Variants in ARB2A observed in about 807,000 individuals in gnomAD.
ARB2A encodes cotranscriptional regulator ARB2A.
At chr5:93,986,268 G>A in the ARB2A span, among the ~76,000 whole-genome samples, 3 of 149,604 alleles carry the variant, frequency 2.0e-5, no homozygotes, top group African/African-American at 5.0e-5. Flanking sequence ...CCCAGCAGCC[G>A]CCCCATCTGG....
At chr5:93,725,044 T>C in the ARB2A span, among the ~76,000 whole-genome samples, 1 of 152,026 alleles carries the variant, frequency 6.6e-6, no homozygotes, top group East Asian at 1.9e-4. Context: ...TAGGATAGCG[T>C]AAGAGTTCAT....
the ARB2A span, among the ~76,000 whole-genome samples, chr5:94,049,001 G>A: frequency 6.6e-6 from 1 of 152,086 alleles, no homozygotes; most frequent in East Asian, 1.9e-4. Flanking sequence ...TTCTTTATGT[G>A]ATAATTTAAC....
chr5:93,937,505 G>A, the ARB2A span, among the ~76,000 whole-genome samples: 9 of 151,782 alleles, frequency 5.9e-5, no homozygotes, highest in East Asian at 1.9e-4. Flanking sequence ...CCAGCTATTC[G>A]GGAGGCTGAG....
chr5:93,640,555 GGTGTGTGTGTGT>G, the ARB2A span, among the ~76,000 whole-genome samples: 1 of 147,500 alleles, frequency 6.8e-6, no homozygotes, highest in Non-Finnish European at 1.5e-5. Context: ...TTCCTATAGG[GGTGTGTGTGTGT>G]GTGTGTATGT....
chr5:93,689,716 G>T, the ARB2A span, among the ~76,000 whole-genome samples: 1 of 151,516 alleles, frequency 6.6e-6, no homozygotes, highest in African/African-American at 2.4e-5. Context: ...TTTTGAGACG[G>T]AGTTTCGCTC....
chr5:94,055,505 TCTAA>T, the ARB2A span, among the ~76,000 whole-genome samples: 1 of 152,094 alleles, frequency 6.6e-6, no homozygotes, highest in Non-Finnish European at 1.5e-5. Flanking sequence ...TTAGCACTCT[TCTAA>T]CTCTTATATC....
the ARB2A span, among the ~76,000 whole-genome samples, chr5:93,927,692 C>T: frequency 6.6e-6 from 1 of 152,284 alleles, no homozygotes; most frequent in African/African-American, 2.4e-5. Context: ...GGAGAAAAGA[C>T]AGCTGAATCC....
At chr5:93,642,609 A>T in the ARB2A span, among the ~76,000 whole-genome samples, 2,223 of 152,220 alleles carry the variant, frequency 0.015, 29 homozygotes, top group Non-Finnish European at 0.023. Context: ...CCTGGCCTCA[A>T]GTAATCTGCC....
the ARB2A span, among the ~76,000 whole-genome samples, chr5:93,842,941 T>A: frequency 6.6e-6 from 1 of 152,160 alleles, no homozygotes; most frequent in Non-Finnish European, 1.5e-5. Context: ...TAGTTACCTA[T>A]CCCAGTTTCA....
chr5:93,658,982 TACACGGCATAAAAA>T, the ARB2A span, among the ~76,000 whole-genome samples: 2 of 151,746 alleles, frequency 1.3e-5, no homozygotes, highest in Admixed American at 6.6e-5. Flanking sequence ...ATAACTAAGA[TACACGGCATAAAAA>T]ACAATTTTAT....
chr5:94,100,523 C>A, the ARB2A span, among the ~76,000 whole-genome samples: 19 of 152,072 alleles, frequency 1.2e-4, no homozygotes, highest in Admixed American at 1.2e-3. Flanking sequence ...TATCATGTTA[C>A]CCGACCTCAA....
At chr5:93,794,051 A>C in the ARB2A span, among the ~76,000 whole-genome samples, 1 of 152,186 alleles carries the variant, frequency 6.6e-6, no homozygotes, top group Non-Finnish European at 1.5e-5. Context: ...CCTTTATTGA[A>C]GGTGCAACTG....
chr5:93,901,987 A>G, the ARB2A span, among the ~76,000 whole-genome samples: 1 of 152,116 alleles, frequency 6.6e-6, no homozygotes, highest in African/African-American at 2.4e-5. Context: ...ATGTGAACCT[A>G]GAACATATCT....
the ARB2A span, among the ~76,000 whole-genome samples, chr5:93,868,072 C>G: frequency 6.6e-6 from 1 of 152,164 alleles, no homozygotes; most frequent in African/African-American, 2.4e-5. Context: ...GTAATCTCAG[C>G]CCTTTGGGAT....
At chr5:93,884,677 C>G in the ARB2A span, among the ~76,000 whole-genome samples, 1 of 151,528 alleles carries the variant, frequency 6.6e-6, no homozygotes, top group Non-Finnish European at 1.5e-5. Context: ...TCAAGAAATA[C>G]TCAGGAACAT....
At chr5:93,828,086 T>C in the ARB2A span, among the ~76,000 whole-genome samples, 2 of 152,156 alleles carry the variant, frequency 1.3e-5, no homozygotes, top group Admixed American at 1.3e-4. Flanking sequence ...TCTTTTTTGG[T>C]TCCATATGAA....
the ARB2A span, among the ~76,000 whole-genome samples, chr5:93,904,599 A>C: frequency 6.6e-6 from 1 of 151,812 alleles, no homozygotes; most frequent in Non-Finnish European, 1.5e-5. Flanking sequence ...ATGGATCATA[A>C]ATCATGTATA....
chr5:93,682,651 G>C, the ARB2A span, among the ~76,000 whole-genome samples: 10 of 152,176 alleles, frequency 6.6e-5, no homozygotes, highest in South Asian at 2.1e-3. Context: ...AAAGGGTGGA[G>C]TTGATCTTTA....
chr5:93,716,061 C>T, the ARB2A span, among the ~76,000 whole-genome samples: 22 of 152,158 alleles, frequency 1.4e-4, no homozygotes, highest in Non-Finnish European at 2.8e-4. Context: ...ATCATTTCTC[C>T]ATCTCTACTC....
Sources: gnomAD v4.1 joint callset for allele counts (sites outside exome capture counted in the v4.1 genomes callset) on GRCh38, gnomAD v4.1.1 for gene constraint, MANE v1.5 for transcripts, NCBI Gene and HGNC (gene_info 2026-07-23, HGNC 2026-07-21) for gene names.